The following PDIA5 variants were observed in gnomAD, a reference collection of about 807,000 sequenced individuals.
PDIA5 encodes the protein protein disulfide-isomerase A5.
Under a neutral mutation model 77.6 loss-of-function variants are expected in PDIA5, and 58 were observed. That is an observed-to-expected ratio of 0.75 (90% CI 0.61 to 0.93). The LOEUF (loss-of-function observed/expected upper bound fraction) is 0.93. Ranked by LOEUF, PDIA5 falls within the 40% of genes least tolerant of loss-of-function variation. The probability of loss-of-function intolerance (pLI) is 0.00; values close to 1 mark genes in which losing one functional copy is unlikely to be tolerated. For missense variants in PDIA5, 630 were observed against 647.7 expected (o/e 0.97, Z 0.30); for synonymous variants, 250 against 252.1 (o/e 0.99, Z 0.08).
rs145619000 is a variant in PDIA5, at chr3:123,100,506, C to G, written c.258-1905C>G. Among the ~76,000 whole-genome samples, 222 of 152,342 alleles carry G rather than the reference C, an allele frequency of 1.5e-3. 1 individual carries two copies. The highest frequency in any genetic ancestry group is 5.0e-3 in the African/African-American group (208 of 41,584). ...ACTATTGCAGTGTCATTAGCCTTTC[C>G]TCTCTGGATTCCTCATGCATTTCAT... On this transcript the variant is annotated intron_variant, in intron 3 of 16. Transcript: ENST00000316218.
At chr3:123,073,521 C>T (rs1023190007) in intron 1 of PDIA5, among the ~76,000 whole-genome samples, 2 of 152,196 alleles carry the variant, frequency 1.3e-5, no homozygotes, top group African/African-American at 4.8e-5. Flanking sequence ...AGTTCACTGT[C>T]CCCTATTGCC....
rs74338873 is a variant in PDIA5 at position 123,145,142 on chromosome 3, G to A, written c.911-380G>A. 8.0e-3 allele frequency: 1,390 copies of A among 173,486 alleles called. 26 individuals carry two copies. The highest frequency in any genetic ancestry group is 0.03 in the African/African-American group (1,266 of 42,150). The allele number at this position is 173,486 out of a possible 1,614,324, so 10.7% of individuals were successfully genotyped here. On this transcript the variant is annotated intron_variant, in intron 11 of 16. Coordinates refer to ENST00000316218, the MANE Select transcript of PDIA5 (RefSeq NM_006810.4). ...ATGGTTGGGTTTTCAACCCAGCTCTGTGACCATGGCTGTGTATATGGCCTT... is the reference window on the plus strand; with the variant it reads ...ATGGTTGGGTTTTCAACCCAGCTCTATGACCATGGCTGTGTATATGGCCTT...
At chr3:123,143,917 C>G (rs1249458217) in intron 11 of PDIA5, among the ~76,000 whole-genome samples, 1 of 152,216 alleles carries the variant, frequency 6.6e-6, no homozygotes, top group African/African-American at 2.4e-5. Flanking sequence ...CTTCACAACA[C>G]TGCCTGGGAG....
intron 11 of PDIA5, among the ~76,000 whole-genome samples, chr3:123,133,988 C>T (rs28578782): frequency 0.62 from 82,224 of 133,514 alleles, 23,152 homozygotes; most frequent in Non-Finnish European, 0.68. Flanking sequence ...TTTTCTTTTC[C>T]TTTTCTTTTC....
intron 1 of PDIA5, among the ~76,000 whole-genome samples, chr3:123,085,383 A>G (rs1376057123): frequency 6.6e-6 from 1 of 152,102 alleles, no homozygotes; most frequent in African/African-American, 2.4e-5. Flanking sequence ...TGTCATGCCC[A>G]GTGATGGTTT....
At chr3:123,093,846 C>T (rs1197708838) in intron 3 of PDIA5, among the ~76,000 whole-genome samples, 5 of 152,142 alleles carry the variant, frequency 3.3e-5, no homozygotes, top group Non-Finnish European at 4.4e-5. Context: ...GCAAAGACCT[C>T]GGAGCACAAT....
At chr3:123,112,324 G>T (rs1360597909) in intron 7 of PDIA5, among the ~76,000 whole-genome samples, 3 of 152,012 alleles carry the variant, frequency 2.0e-5, no homozygotes, top group African/African-American at 7.3e-5. Context: ...ATAGGCTCTG[G>T]TTTGTCATAG....
chr3:123,072,718 T>C (rs967504805), intron 1 of PDIA5, among the ~76,000 whole-genome samples: 9 of 152,218 alleles, frequency 5.9e-5, no homozygotes, highest in African/African-American at 2.2e-4. Context: ...CCAAACACAC[T>C]GTATCCCAGG....
At chr3:123,121,713 C>T (rs1422860397) in intron 8 of PDIA5, among the ~76,000 whole-genome samples, 3 of 152,156 alleles carry the variant, frequency 2.0e-5, no homozygotes, top group Non-Finnish European at 4.4e-5. Context: ...GAGAGAACAG[C>T]GAGTGTTCCA....
chr3:123,142,442 A>AT (rs2107978169), intron 11 of PDIA5, among the ~76,000 whole-genome samples: 1 of 152,358 alleles, frequency 6.6e-6, no homozygotes, highest in East Asian at 1.9e-4. Flanking sequence ...ATGATGCTAA[A>AT]TGTTCATTTC....
At chr3:123,144,703 T>G (rs1935719215) in intron 11 of PDIA5, 1 of 151,982 alleles carries the variant, frequency 6.6e-6, no homozygotes, top group Non-Finnish European at 1.5e-5. Context: ...GCTAACACAG[T>G]GAAACCCCAT....
chr3:123,145,968 C>T, intron 12 of PDIA5, 131 bp from the exon 13 acceptor site: 1 of 795,428 alleles, frequency 1.3e-6, no homozygotes, highest in East Asian at 2.5e-5. Context: ...TATGGGAGCC[C>T]ACTGGGCTAG....
At chr3:123,160,334 C>G (rs1232279624) in intron 15 of PDIA5, among the ~76,000 whole-genome samples, 1 of 152,212 alleles carries the variant, frequency 6.6e-6, no homozygotes, top group Non-Finnish European at 1.5e-5. Flanking sequence ...GAAAAAACAA[C>G]AAATGATGAG....
chr3:123,110,582 C>T (rs1218533887), intron 6 of PDIA5, among the ~76,000 whole-genome samples: 1 of 152,198 alleles, frequency 6.6e-6, no homozygotes, highest in Non-Finnish European at 1.5e-5. Context: ...ACAAAAACCG[C>T]TCTTTGCCAT....
chr3:123,086,186 T>G (rs1332557197), intron 1 of PDIA5, among the ~76,000 whole-genome samples: 7 of 152,230 alleles, frequency 4.6e-5, no homozygotes, highest in Admixed American at 2.0e-4. Context: ...TCTGCTGAGA[T>G]GGAAGTTTGT....
At chr3:123,111,585 G>A (rs927747107) in intron 7 of PDIA5, among the ~76,000 whole-genome samples, 1 of 152,234 alleles carries the variant, frequency 6.6e-6, no homozygotes, top group African/African-American at 2.4e-5. Context: ...AGAACATGTG[G>A]GTTTGAATCC....
chr3:123,146,146 G>A lies in PDIA5; in HGVS notation c.1029G>A (p.Leu343=), dbSNP rs780070098. The change falls in exon 13 of 17, where the codon CTG becomes CTA. Residue 343 remains leucine (L), a synonymous_variant. Transcript: ENST00000316218. The part of the protein sequence containing the change: ...AAVDATVNKA[L]AERFHISEFP... ...TCGATGCCACTGTCAACAAGGCCCT[G>A]GCAGAAAGATTCCACATCTCAGAGT... 6.2e-7 allele frequency: 1 copy of A among 1,614,166 alleles called. No individual in the cohort carries two copies. The highest frequency in any genetic ancestry group is 8.5e-7 in the Non-Finnish European group (1 of 1,180,006).
intron 6 of PDIA5, 92 bp downstream of exon 6, chr3:123,106,933 G>A: frequency 1.2e-6 from 1 of 840,952 alleles, no homozygotes; most frequent in South Asian, 1.5e-5. Context: ...CTGAGAAATG[G>A]GACTATTCCA....
At chr3:123,142,119 C>T (rs1935649450) in intron 11 of PDIA5, among the ~76,000 whole-genome samples, 1 of 152,246 alleles carries the variant, frequency 6.6e-6, no homozygotes, top group Admixed American at 6.5e-5. Flanking sequence ...CCTGCCCCAG[C>T]TCTCCCTGGT....
Sources: gnomAD v4.1 joint callset for allele counts (sites outside exome capture counted in the v4.1 genomes callset) on GRCh38, gnomAD v4.1.1 for gene constraint, MANE v1.5 for transcripts, NCBI Gene and HGNC (gene_info 2026-07-23, HGNC 2026-07-21) for gene names.